Variants in DPYD observed in about 807,000 individuals in gnomAD.
DPYD encodes dihydropyrimidine dehydrogenase.
Under a neutral mutation model 116.2 loss-of-function variants are expected in DPYD, and 109 were observed. The observed-to-expected ratio is 0.94, with a 90% confidence interval of 0.80 to 1.10. DPYD has a LOEUF of 1.10. Ranked by LOEUF, DPYD falls within the 50% of genes least tolerant of loss-of-function variation. The pLI is 0.00. For missense variants in DPYD, 1,302 were observed against 1,254.5 expected (o/e 1.04, Z -0.57); for synonymous variants, 440 against 432.0 (o/e 1.02, Z -0.23).
chr1:97,117,230 A>C (rs1433473757), intron 20 of DPYD, among the ~76,000 whole-genome samples: 3 of 152,202 alleles, frequency 2.0e-5, no homozygotes, highest in Non-Finnish European at 4.4e-5. Flanking sequence ...AACACTACAA[A>C]GTTTCCAAAA....
chr1:97,764,035 C>T (rs17117118), intron 3 of DPYD, among the ~76,000 whole-genome samples: 3,827 of 152,038 alleles, frequency 0.025, 88 homozygotes, highest in African/African-American at 0.051. Flanking sequence ...AATAATAACA[C>T]TGCTGACAGA....
chr1:97,115,916 C>A (rs1371810493), intron 20 of DPYD, among the ~76,000 whole-genome samples: 1 of 152,080 alleles, frequency 6.6e-6, no homozygotes, highest in African/African-American at 2.4e-5. Context: ...CAGCAAAGCA[C>A]TGCATATGTT....
At chr1:97,632,287 G>A (rs940823730) in intron 8 of DPYD, among the ~76,000 whole-genome samples, 7 of 152,054 alleles carry the variant, frequency 4.6e-5, no homozygotes, top group African/African-American at 1.7e-4. Flanking sequence ...ACATCAAAGA[G>A]GAACATTAGC....
chr1:97,086,757 A>T (rs1246467932), intron 21 of DPYD, among the ~76,000 whole-genome samples: 2 of 44 alleles, frequency 0.045, no homozygotes, highest in Non-Finnish European at 0.062. Flanking sequence ...TTGTAAAATA[A>T]AAAAAAAATC....
At chr1:97,573,306 T>C (rs1653033430) in intron 11 of DPYD, among the ~76,000 whole-genome samples, 1 of 152,094 alleles carries the variant, frequency 6.6e-6, no homozygotes, top group Non-Finnish European at 1.5e-5. Flanking sequence ...CTTTCTAATT[T>C]GATAATTCTG....
chr1:97,343,604 G>A lies in DPYD; in HGVS notation c.2058+29957C>T, dbSNP rs898242489. The stretch of plus-strand genomic sequence containing the variant: ...TCATAACTGTAAAAAGTGGTATGTA[G>A]CATGATTAAACAATATTTCAACTCT... On this transcript the variant is annotated intron_variant, in intron 16 of 22. Transcript: ENST00000370192. 7.2e-5 allele frequency among the ~76,000 whole-genome samples: 11 copies of A among 152,104 alleles called. No individual in the cohort carries two copies. In the East Asian group the frequency reaches 2.1e-3, roughly 29 times the overall value.
intron 2 of DPYD, among the ~76,000 whole-genome samples, chr1:97,830,911 A>C (rs991917808): frequency 1.3e-5 from 2 of 152,118 alleles, no homozygotes; most frequent in African/African-American, 4.8e-5. Flanking sequence ...TTTTATCAGG[A>C]AGTGGTTAAA....
chr1:97,172,890 A>C (rs1365540444), intron 20 of DPYD, among the ~76,000 whole-genome samples: 1 of 152,158 alleles, frequency 6.6e-6, no homozygotes, highest in Non-Finnish European at 1.5e-5. Flanking sequence ...CATAAACCTT[A>C]CAGTGTTTTC....
At chr1:97,201,827 C>T (rs1053947097) in intron 19 of DPYD, among the ~76,000 whole-genome samples, 5 of 151,764 alleles carry the variant, frequency 3.3e-5, no homozygotes, top group Admixed American at 2.0e-4. Context: ...CTCTCATCTG[C>T]TCTGTAACTG....
At chr1:97,604,387 G>A (rs1413820379) in intron 8 of DPYD, among the ~76,000 whole-genome samples, 1 of 152,074 alleles carries the variant, frequency 6.6e-6, no homozygotes, top group East Asian at 1.9e-4. Flanking sequence ...GGTAGAAAAT[G>A]TAATTCACAA....
chr1:97,148,257 G>GA (rs1363266994), intron 20 of DPYD, among the ~76,000 whole-genome samples: 2 of 150,894 alleles, frequency 1.3e-5, no homozygotes, highest in African/African-American at 2.4e-5. Context: ...TGTGTGTGGG[G>GA]GGGGTGTGTG....
chr1:97,355,603 T>A (rs1267509268), intron 16 of DPYD, among the ~76,000 whole-genome samples: 2 of 152,190 alleles, frequency 1.3e-5, no homozygotes, highest in African/African-American at 2.4e-5. Context: ...CTTCTGGTAA[T>A]CACCATTCTA....
At position 97,549,292 on chromosome 1, in the gene DPYD, C is replaced by T. The variant is rs79295392; in HGVS notation, c.1524+268G>A. 6.9e-3 allele frequency among the ~76,000 whole-genome samples: 1,052 copies of T among 152,136 alleles called. 19 individuals are homozygous for T. Among genetic ancestry groups the T allele is most frequent in the African/African-American group, 0.023 (967 of 41,514 alleles). On this transcript the variant is annotated intron_variant, in intron 12 of 22. Coordinates refer to ENST00000370192, the MANE Select transcript of DPYD (RefSeq NM_000110.4). ...TGTTGCCCAGGCTGATCTTGAACAC[C>T]GGGCTCAAGCATCCTCCCGCTTCAG...
intron 16 of DPYD, among the ~76,000 whole-genome samples, chr1:97,339,737 TTTTAG>T (rs1165629961): frequency 6.6e-6 from 1 of 152,184 alleles, no homozygotes; most frequent in Non-Finnish European, 1.5e-5. Flanking sequence ...TGTTAACTTG[TTTTAG>T]TTTATGTGAT....
intron 3 of DPYD, among the ~76,000 whole-genome samples, chr1:97,782,978 C>G (rs559619732): frequency 1.3e-5 from 2 of 152,224 alleles, no homozygotes; most frequent in South Asian, 4.1e-4. Flanking sequence ...CTGTGGTGGG[C>G]ACTGGAGAAT....
At chr1:97,707,916 T>C (rs1411926037) in intron 5 of DPYD, among the ~76,000 whole-genome samples, 3 of 152,122 alleles carry the variant, frequency 2.0e-5, no homozygotes, top group African/African-American at 7.2e-5. Flanking sequence ...TTATGAAGTA[T>C]GTCTTTTGCA....
At chr1:97,291,502 C>T (rs1216459434) in intron 18 of DPYD, among the ~76,000 whole-genome samples, 1 of 152,050 alleles carries the variant, frequency 6.6e-6, no homozygotes, top group African/African-American at 2.4e-5. Flanking sequence ...GAATACTATG[C>T]AGCCATAAAA....
At chr1:97,192,944 G>A in intron 20 of DPYD, 125 bp downstream of exon 20, 1 of 1,091,536 alleles carries the variant, frequency 9.2e-7, no homozygotes, top group Non-Finnish European at 1.4e-6. Context: ...AGAGTCCACT[G>A]AAGAAATCAC....
chr1:97,128,418 A>C (rs551808973), intron 20 of DPYD, among the ~76,000 whole-genome samples: 1 of 152,324 alleles, frequency 6.6e-6, no homozygotes, highest in African/African-American at 2.4e-5. Flanking sequence ...CAAACAAACA[A>C]GCTGAGTGTG....
Sources: gnomAD v4.1 joint callset for allele counts (sites outside exome capture counted in the v4.1 genomes callset) on GRCh38, gnomAD v4.1.1 for gene constraint, MANE v1.5 for transcripts, NCBI Gene and HGNC (gene_info 2026-07-23, HGNC 2026-07-21) for gene names.